CLVS1: variants seen among roughly 807,000 people sequenced by gnomAD.
CLVS1 encodes clavesin 1.
CLVS1 carries 10 observed loss-of-function variants against 33.1 expected under a neutral mutation model. The ratio of observed to expected loss-of-function variants is 0.30; its 90% CI spans 0.19 to 0.51. The LOEUF (loss-of-function observed/expected upper bound fraction) is 0.51, where lower values mean the gene tolerates loss of function less well. Ranked by LOEUF, CLVS1 falls within the 20% of genes least tolerant of loss-of-function variation. The pLI, the probability that CLVS1 is intolerant of heterozygous loss-of-function variation, is 0.97. For missense variants in CLVS1, 343 were observed against 433.4 expected (o/e 0.79, Z 1.85); for synonymous variants, 163 against 166.1 (o/e 0.98, Z 0.14).
At chr8:61,232,023 G>GTTTGTTTGTTTTTTT in intron 2 of CLVS1, among the ~76,000 whole-genome samples, 16 of 62,648 alleles carry the variant, frequency 2.6e-4, no homozygotes, top group African/African-American at 7.6e-4. Context: ...GAAAGTTGTG[G>GTTTGTTTGTTTTTTT]TTTTTTTTTT....
chr8:61,103,947 A>G (rs909567308), intron 1 of CLVS1, among the ~76,000 whole-genome samples: 2 of 152,230 alleles, frequency 1.3e-5, no homozygotes, highest in Non-Finnish European at 2.9e-5. Context: ...ACAAAACACT[A>G]ACTACAAAGT....
rs150497581 is a variant in CLVS1 at position 61,073,898 on chromosome 8, G to A, written c.-243+16668G>A. ...TAGGTGGCGGGCGCCTGTAGTCCCA[G>A]CTACTCGGGATGCTGAGGCAGGAGA... On this transcript the variant is annotated intron_variant, in intron 1 of 2. Coordinates refer to the CLVS1 transcript ENST00000522621. 6.9e-3 allele frequency among the ~76,000 whole-genome samples: 1,045 copies of A among 151,182 alleles called. 9 individuals carry two copies. The highest frequency in any genetic ancestry group is 0.023 in the African/African-American group (935 of 41,092).
intron 1 of CLVS1, among the ~76,000 whole-genome samples, chr8:61,088,487 CAA>C (rs59394782): frequency 9.5e-6 from 1 of 105,314 alleles, no homozygotes. Context: ...GAGACTGTCT[CAA>C]AAAAAAAAAA....
At chr8:61,352,771 C>T (rs562592928) in intron 2 of CLVS1, among the ~76,000 whole-genome samples, 8 of 151,344 alleles carry the variant, frequency 5.3e-5, no homozygotes, top group Non-Finnish European at 8.9e-5. Flanking sequence ...AACATTTGAA[C>T]AAAAAAGCAA....
chr8:61,376,568 T>C, intron 2 of CLVS1, 37 bp from the exon 3 acceptor site: 1 of 1,597,356 alleles, frequency 6.3e-7, no homozygotes, highest in Non-Finnish European at 8.6e-7. Flanking sequence ...CACCTGCTCA[T>C]ATTCACACAC....
chr8:61,395,235 G>T (rs1039674677), intron 3 of CLVS1, among the ~76,000 whole-genome samples: 5 of 152,134 alleles, frequency 3.3e-5, no homozygotes, highest in African/African-American at 1.2e-4. Flanking sequence ...GAAGTCACAT[G>T]TGGAAACTCA....
At chr8:61,258,677 G>A (rs894370895) in intron 2 of CLVS1, among the ~76,000 whole-genome samples, 1 of 152,096 alleles carries the variant, frequency 6.6e-6, no homozygotes, top group Admixed American at 6.5e-5. Context: ...CCTAAACCAC[G>A]GAGAACATCC....
chr8:61,367,784 C>G (rs1813272983), intron 2 of CLVS1, among the ~76,000 whole-genome samples: 1 of 152,218 alleles, frequency 6.6e-6, no homozygotes, highest in South Asian at 2.1e-4. Context: ...CTGCCGAACT[C>G]TAAATCCTCA....
intron 2 of CLVS1, among the ~76,000 whole-genome samples, chr8:61,210,526 AG>A (rs1807949885): frequency 6.6e-6 from 1 of 152,232 alleles, no homozygotes; most frequent in Non-Finnish European, 1.5e-5. Flanking sequence ...GCCACATGGC[AG>A]GGAACTGTGG....
chr8:61,113,650 G>T (rs548262360), intron 1 of CLVS1, among the ~76,000 whole-genome samples: 5 of 152,322 alleles, frequency 3.3e-5, no homozygotes, highest in Admixed American at 2.6e-4. Context: ...AAGTTTCAGG[G>T]TTAGCAGCCA....
chr8:61,379,373 C>G (rs530095246), intron 3 of CLVS1, among the ~76,000 whole-genome samples: 29 of 151,986 alleles, frequency 1.9e-4, no homozygotes, highest in African/African-American at 5.8e-4. Context: ...ACCCTCCCCC[C>G]CTTTCCCCAC....
At chr8:61,158,508 G>A (rs1012910074) in intron 2 of CLVS1, among the ~76,000 whole-genome samples, 2 of 152,150 alleles carry the variant, frequency 1.3e-5, no homozygotes, top group African/African-American at 4.8e-5. Flanking sequence ...ATGATCATTG[G>A]TAGTGAAATT....
intron 3 of CLVS1, among the ~76,000 whole-genome samples, chr8:61,393,596 G>C (rs1431396206): frequency 6.6e-6 from 1 of 152,192 alleles, no homozygotes; most frequent in East Asian, 1.9e-4. Context: ...CCCATGGGGT[G>C]ATCCCTTGAT....
chr8:60,990,704 G>GTT, the CLVS1 span, among the ~76,000 whole-genome samples: 1 of 145,014 alleles, frequency 6.9e-6, no homozygotes. Context: ...AATTAACAGG[G>GTT]TTTTTTTTGT....
chr8:61,288,228 C>G (rs1290595247), intron 1 of CLVS1, 90 bp downstream of exon 1: 1 of 456,382 alleles, frequency 2.2e-6, no homozygotes, highest in African/African-American at 2.0e-5. Context: ...GGCGTTTCAG[C>G]ACTTCGGTAT....
intron 3 of CLVS1, among the ~76,000 whole-genome samples, chr8:61,390,561 C>T (rs1399634932): frequency 6.6e-6 from 1 of 152,200 alleles, no homozygotes; most frequent in African/African-American, 2.4e-5. Flanking sequence ...GGGTACCAAA[C>T]ACAAGTTTTT....
chr8:61,266,730 CT>C (rs1377046525), intron 2 of CLVS1, among the ~76,000 whole-genome samples: 1 of 152,230 alleles, frequency 6.6e-6, no homozygotes, highest in Non-Finnish European at 1.5e-5. Context: ...CTTTTCCCCT[CT>C]TCCAATAATC....
the CLVS1 span, among the ~76,000 whole-genome samples, chr8:60,974,900 C>T: frequency 6.6e-6 from 1 of 152,114 alleles, no homozygotes; most frequent in Non-Finnish European, 1.5e-5. Flanking sequence ...CCTGGCTGCA[C>T]ATGAGGATCA....
the CLVS1 span, among the ~76,000 whole-genome samples, chr8:61,050,543 C>T: frequency 6.6e-6 from 1 of 152,250 alleles, no homozygotes. Flanking sequence ...TGGCTCTTGT[C>T]TCTGGTCCCT....
Sources: allele counts gnomAD v4.1 joint callset (sites outside exome capture counted in the v4.1 genomes callset), GRCh38; gene constraint gnomAD v4.1.1; transcripts MANE v1.5; gene names NCBI Gene and HGNC (gene_info 2026-07-23, HGNC 2026-07-21).